The following GRM8 variants were observed in gnomAD, a reference collection of about 807,000 sequenced individuals.
GRM8 encodes metabotropic glutamate receptor 8.
Under a neutral mutation model 87.2 loss-of-function variants are expected in GRM8, and 47 were observed. That is an observed-to-expected ratio of 0.54 (90% CI 0.43 to 0.69). The LOEUF (loss-of-function observed/expected upper bound fraction) is 0.69, where lower values mean the gene tolerates loss of function less well. Among genes scored for constraint, GRM8 ranks in the 30% least tolerant of loss-of-function variants. The probability of loss-of-function intolerance (pLI) is 0.00; values close to 1 mark genes in which losing one functional copy is unlikely to be tolerated. For missense variants in GRM8, 1,019 were observed against 1,139.2 expected, an observed-to-expected ratio of 0.89 and a Z score of 1.52; for synonymous variants, 396 against 404.5, an observed-to-expected ratio of 0.98 and a Z score of 0.25.
intron 2 of GRM8, among the ~76,000 whole-genome samples, chr7:127,156,778 A>T (rs1792758544): frequency 6.6e-6 from 1 of 152,194 alleles, no homozygotes; most frequent in African/African-American, 2.4e-5. Flanking sequence ...AATAAATGTC[A>T]TCAAAGAGGG....
intron 2 of GRM8, among the ~76,000 whole-genome samples, chr7:127,118,426 T>A (rs749305304): frequency 6.6e-6 from 1 of 152,224 alleles, no homozygotes; most frequent in Non-Finnish European, 1.5e-5. Flanking sequence ...CCTAAACAAA[T>A]TGATTAGCCC....
chr7:126,813,390 C>T (rs1160180573), intron 6 of GRM8, among the ~76,000 whole-genome samples: 1 of 151,990 alleles, frequency 6.6e-6, no homozygotes, highest in East Asian at 1.9e-4. Context: ...CCTAAAAAGT[C>T]CTAAAAAGGA....
intron 7 of GRM8, among the ~76,000 whole-genome samples, chr7:126,681,010 T>C (rs1381320270): frequency 6.6e-6 from 1 of 152,228 alleles, no homozygotes; most frequent in African/African-American, 2.4e-5. Context: ...CATTTATTTT[T>C]AGAGTTTAAT....
At chr7:126,587,633 A>T (rs1796272593) in intron 8 of GRM8, among the ~76,000 whole-genome samples, 1 of 142,802 alleles carries the variant, frequency 7.0e-6, no homozygotes, top group Admixed American at 7.1e-5. Context: ...AACAATGAGA[A>T]CACTTGGACA....
intron 7 of GRM8, among the ~76,000 whole-genome samples, chr7:126,645,589 T>C (rs1456189658): frequency 6.6e-6 from 1 of 152,242 alleles, no homozygotes; most frequent in Non-Finnish European, 1.5e-5. Context: ...TTAAACTCTA[T>C]ACTGCAATAG....
At chr7:127,135,679 G>C (rs1285078170) in intron 2 of GRM8, among the ~76,000 whole-genome samples, 1 of 138,766 alleles carries the variant, frequency 7.2e-6, no homozygotes, top group African/African-American at 2.7e-5. Flanking sequence ...TCATAAACCG[G>C]GCATGAAACT....
At chr7:127,244,607 T>A (rs533398974) in intron 1 of GRM8, among the ~76,000 whole-genome samples, 2 of 152,354 alleles carry the variant, frequency 1.3e-5, no homozygotes, top group South Asian at 2.1e-4. Context: ...AACCTATTTA[T>A]ATATGGGTTT....
intron 6 of GRM8, among the ~76,000 whole-genome samples, chr7:126,770,563 C>A (rs914782842): frequency 2.0e-5 from 3 of 151,838 alleles, no homozygotes; most frequent in Admixed American, 1.3e-4. Flanking sequence ...CCTTAAGTGA[C>A]CCTGGTTATC....
intron 7 of GRM8, among the ~76,000 whole-genome samples, chr7:126,700,059 A>G (rs1318226628): frequency 6.6e-6 from 1 of 152,184 alleles, no homozygotes; most frequent in Non-Finnish European, 1.5e-5. Context: ...ACCAAGGCAC[A>G]CACACTGTTC....
intron 3 of GRM8, among the ~76,000 whole-genome samples, chr7:127,000,148 A>G (rs944612389): frequency 7.2e-5 from 11 of 151,822 alleles, no homozygotes; most frequent in Non-Finnish European, 1.5e-4. Context: ...GCACAGAAAT[A>G]TAAACTTTGC....
intron 8 of GRM8, among the ~76,000 whole-genome samples, chr7:126,535,046 A>G (rs747533105): frequency 2.0e-5 from 3 of 152,126 alleles, no homozygotes; most frequent in Non-Finnish European, 4.4e-5. Flanking sequence ...CAGCAAAGGG[A>G]GATGAAGGAA....
At chr7:126,565,501 C>T (rs1192877607) in intron 8 of GRM8, among the ~76,000 whole-genome samples, 1 of 151,808 alleles carries the variant, frequency 6.6e-6, no homozygotes, top group Non-Finnish European at 1.5e-5. Flanking sequence ...AGATGAAAGA[C>T]TTATATACTG....
chr7:126,970,412 C>T (rs1810299602), intron 3 of GRM8, among the ~76,000 whole-genome samples: 1 of 152,170 alleles, frequency 6.6e-6, no homozygotes, highest in African/African-American at 2.4e-5. Flanking sequence ...CTTTACCTGG[C>T]ATTTCTGGTT....
At chr7:127,048,693 T>C (rs1292875777) in intron 3 of GRM8, among the ~76,000 whole-genome samples, 2 of 152,118 alleles carry the variant, frequency 1.3e-5, no homozygotes, top group Non-Finnish European at 2.9e-5. Context: ...AAACCTAGAG[T>C]CCATCCAAGG....
intron 2 of GRM8, among the ~76,000 whole-genome samples, chr7:127,162,189 C>A (rs1281981087): frequency 6.6e-6 from 1 of 152,180 alleles, no homozygotes. Flanking sequence ...TATTTTGGAG[C>A]CCTGGGGCCT....
intron 3 of GRM8, among the ~76,000 whole-genome samples, chr7:127,015,819 A>C (rs1815610278): frequency 6.6e-6 from 1 of 152,122 alleles, no homozygotes; most frequent in South Asian, 2.1e-4. Context: ...ATGTATAAAA[A>C]AGAAATAAGC....
intron 3 of GRM8, among the ~76,000 whole-genome samples, chr7:127,105,613 T>C (rs1825732122): frequency 6.6e-6 from 1 of 152,208 alleles, no homozygotes; most frequent in East Asian, 1.9e-4. Flanking sequence ...ACATAATGTC[T>C]TCCTTCAGGC....
At chr7:126,972,364 G>C (rs1810514831) in intron 3 of GRM8, among the ~76,000 whole-genome samples, 1 of 152,164 alleles carries the variant, frequency 6.6e-6, no homozygotes. Context: ...TACTGATGTT[G>C]AGTAGACACA....
chr7:127,136,310 C>G (rs1186346104), intron 2 of GRM8, among the ~76,000 whole-genome samples: 2 of 152,080 alleles, frequency 1.3e-5, no homozygotes, highest in Non-Finnish European at 2.9e-5. Context: ...TAGTCTAACT[C>G]TTAATTCATT....
Sources: gnomAD v4.1 joint callset for allele counts (sites outside exome capture counted in the v4.1 genomes callset) on GRCh38, gnomAD v4.1.1 for gene constraint, MANE v1.5 for transcripts, NCBI Gene and HGNC (gene_info 2026-07-23, HGNC 2026-07-21) for gene names.